Variants in TMEM237 observed in about 807,000 individuals in gnomAD.
TMEM237 encodes transmembrane protein 237.
In TMEM237, 51 loss-of-function variants were observed where a neutral mutation model predicts 59.1. The observed-to-expected ratio is 0.86, with a 90% confidence interval of 0.69 to 1.09. TMEM237 has a LOEUF of 1.09. Among genes scored for constraint, TMEM237 ranks in the 50% least tolerant of loss-of-function variants. The pLI is 0.00. For missense variants in TMEM237, 475 were observed against 478.3 expected (o/e 0.99, Z 0.06); for synonymous variants, 140 against 166.1 (o/e 0.84, Z 1.21).
chr2:201,639,253 T>C (rs2105903633), intron 3 of TMEM237, among the ~76,000 whole-genome samples: 1 of 152,318 alleles, frequency 6.6e-6, no homozygotes, highest in Non-Finnish European at 1.5e-5. Flanking sequence ...ATGTCAGTAA[T>C]GTTAGAAACC....
intron 9 of TMEM237, 142 bp downstream of exon 9, chr2:201,629,088 C>A: frequency 1.9e-6 from 1 of 534,878 alleles, no homozygotes; most frequent in Non-Finnish European, 2.9e-6. Context: ...CAAAAAAGAA[C>A]AGAAGTAGAC....
intron 7 of TMEM237, 144 bp from the exon 8 acceptor site, chr2:201,629,996 C>T: frequency 9.9e-7 from 1 of 1,010,760 alleles, no homozygotes. Flanking sequence ...GACTCAGTAC[C>T]TATTTCAGAA....
chr2:201,633,293 G>T lies in TMEM237; in HGVS notation c.395+18C>A. ...GGGTAATCCTGGAGAATAGTTAGAA[G>T]AATAAATAAATTCCTACTTTGTCTT... On this transcript the variant is annotated intron_variant, in intron 6 of 12. Coordinates refer to ENST00000409883, the MANE Select transcript of TMEM237 (RefSeq NM_001044385.3). 1 of 1,590,694 alleles carries T rather than the reference G, an allele frequency of 6.3e-7. No homozygotes were observed. Among genetic ancestry groups the T allele is most frequent in the South Asian group, 1.2e-5 (1 of 86,846 alleles).
Position 201,635,154 on chromosome 2 carries a change from T to C in TMEM237, c.274+1594A>G, listed in dbSNP as rs1687272967. On this transcript the variant is annotated intron_variant, in intron 5 of 12. Coordinates refer to ENST00000409883, the MANE Select transcript of TMEM237 (RefSeq NM_001044385.3). The surrounding 1 kb of genome is among the most constrained non-coding windows in gnomAD (Gnocchi z 4.5). ...CTGTAACACTGCTATATTCTTCCAT[T>C]CTTTTTACTATGTAGATGTATGTAC... 6.6e-6 allele frequency among the ~76,000 whole-genome samples: 1 copy of C among 152,250 alleles called. No individual in the cohort carries two copies. Among genetic ancestry groups the C allele is most frequent in the African/African-American group, 2.4e-5 (1 of 41,466 alleles).
Position 201,621,349 on chromosome 2 carries a change from A to C in TMEM237, c.*2906T>G, listed in dbSNP as rs1376874235. The C allele has an allele frequency of 6.6e-6, 1 of 152,226 alleles. No individual in the cohort carries two copies. Among genetic ancestry groups the C allele is most frequent in the Non-Finnish European group, 1.5e-5 (1 of 68,042 alleles). 9.4% of individuals were successfully genotyped at this position (152,226 alleles called of 1,614,324 possible). On this transcript the variant is annotated 3_prime_UTR_variant, in exon 13 of 13. Coordinates refer to ENST00000409883, the MANE Select transcript of TMEM237 (RefSeq NM_001044385.3). ...AAACAGCTTGGCAGTTTGTAACTACATACAACCCATCAGTTTCACTCCTGG... is the reference window on the plus strand; with the variant it reads ...AAACAGCTTGGCAGTTTGTAACTACCTACAACCCATCAGTTTCACTCCTGG...
intron 11 of TMEM237, among the ~76,000 whole-genome samples, chr2:201,627,011 C>T (rs929779335): frequency 6.6e-6 from 1 of 151,396 alleles, no homozygotes. Context: ...ACCCAGGAGG[C>T]GGTGGCTGCA....
chr2:201,635,221 T>C lies in TMEM237; in HGVS notation c.274+1527A>G, dbSNP rs975806208. 2.6e-5 allele frequency among the ~76,000 whole-genome samples: 4 copies of C among 152,236 alleles called. No individual in the cohort carries two copies. The highest frequency in any genetic ancestry group is 9.6e-5 in the African/African-American group (4 of 41,456). ...TTGAACTGTGCTCCAAAAAGAGATA[T>C]GTTCAAGTCCTAACTCATAATACCT... On this transcript the variant is annotated intron_variant, in intron 5 of 12. Transcript: ENST00000409883. This position sits in a 1 kb window ranked among gnomAD's most constrained non-coding sequence, Gnocchi z 4.5.
rs555118855 is a variant in TMEM237, at chr2:201,631,726, T to C, written c.553+325A>G. On this transcript the variant is annotated intron_variant, in intron 7 of 12. Transcript: ENST00000409883. ...TGTCCTATGCATAGATCAAACTGTG[T>C]GTGTGTGTGTGCACATGTGTATATG... Among the ~76,000 whole-genome samples, 67 of 152,342 alleles carry C rather than the reference T, an allele frequency of 4.4e-4. 1 individual carries two copies. Among genetic ancestry groups the C allele is most frequent in the Middle Eastern group, 3.4e-3 (1 of 294 alleles).
chr2:201,632,781 T>C (rs936331239), intron 6 of TMEM237, among the ~76,000 whole-genome samples: 2 of 152,220 alleles, frequency 1.3e-5, no homozygotes, highest in African/African-American at 2.4e-5. Flanking sequence ...TCTTTATTAG[T>C]AGTGTGAGAA....
Position 201,621,256 on chromosome 2 carries a change from T to C in TMEM237, c.*2999A>G, listed in dbSNP as rs537130043. The C allele has an allele frequency of 1.4e-4, 21 of 152,328 alleles. 1 individual carries two copies. The highest frequency in any genetic ancestry group is 2.4e-4 in the Non-Finnish European group (16 of 68,022). The allele number at this position is 152,328 out of a possible 1,614,324, so 9.4% of individuals were successfully genotyped here. A position where few individuals can be genotyped will look rare whatever the true frequency, so the allele number is the denominator to read the frequency against. The stretch of plus-strand genomic sequence containing the variant: ...ATTAAAAAATGTAGGTGAGGCACTC[T>C]AAAGCAACTAGCTTGGACTCTTCAA... On this transcript the variant is annotated 3_prime_UTR_variant, in exon 13 of 13. Transcript: ENST00000409883.
intron 3 of TMEM237, 25 bp from the exon 4 acceptor site, chr2:201,639,070 C>G (rs754569858): frequency 2.6e-6 from 4 of 1,558,612 alleles, no homozygotes; most frequent in South Asian, 2.4e-5. Context: ...AAAACGTCAA[C>G]AGAAAAGGGT....
chr2:201,640,739 G>A (rs1687396157), intron 2 of TMEM237, among the ~76,000 whole-genome samples, 154 bp downstream of exon 2: 1 of 151,988 alleles, frequency 6.6e-6, no homozygotes, highest in Non-Finnish European at 1.5e-5. Flanking sequence ...AAAATTCAAG[G>A]ATTTTTCACC....
chr2:201,639,740 G>C (rs1018621841), intron 3 of TMEM237, among the ~76,000 whole-genome samples: 2 of 150,916 alleles, frequency 1.3e-5, no homozygotes, highest in East Asian at 3.9e-4. Context: ...AGATTGCAGT[G>C]AGCCGAGATC....
intron 1 of TMEM237, chr2:201,642,832 G>T: frequency 7.4e-7 from 1 of 1,345,090 alleles, no homozygotes; most frequent in African/African-American, 1.5e-5. Context: ...GCCAAAAAGG[G>T]GGCCTCGGAG....
At chr2:201,641,243 T>C (rs1422171232) in intron 1 of TMEM237, among the ~76,000 whole-genome samples, 2 of 152,166 alleles carry the variant, frequency 1.3e-5, no homozygotes, top group Non-Finnish European at 2.9e-5. Context: ...CCGCCCACCT[T>C]GGCCTCTGAA....
At chr2:201,633,284 T>C (rs1006448758) in intron 6 of TMEM237, 27 bp downstream of exon 6, 5 of 1,583,326 alleles carry the variant, frequency 3.2e-6, no homozygotes, top group Non-Finnish European at 3.4e-6. Context: ...TCCTGGAGAA[T>C]AGTTAGAAGA....
chr2:201,642,791 G>T, intron 1 of TMEM237: 1 of 1,416,964 alleles, frequency 7.1e-7, no homozygotes, highest in Non-Finnish European at 9.1e-7. Context: ...AGGCGTGCAG[G>T]GACCTGGATT....
rs1443103114 is a variant in TMEM237, at chr2:201,622,827, T to C, written c.*1428A>G. The C allele has an allele frequency of 6.5e-6, 1 of 153,322 alleles. No individual in the cohort carries two copies. Among genetic ancestry groups the C allele is most frequent in the Non-Finnish European group, 1.5e-5 (1 of 68,774 alleles). 9.5% of individuals were successfully genotyped at this position (153,322 alleles called of 1,614,324 possible). ...ATGCAGCCTACCACAATCCCCCACA[T>C]TGGCAGCAGCTTTCTCACATTTCTC... is the stretch of plus-strand genomic sequence containing the variant. On this transcript the variant is annotated 3_prime_UTR_variant, in exon 13 of 13. Transcript: ENST00000409883.
chr2:201,640,971 T>C, intron 1 of TMEM237, 47 bp from the exon 2 acceptor site: 1 of 1,549,058 alleles, frequency 6.5e-7, no homozygotes, highest in Non-Finnish European at 8.8e-7. Flanking sequence ...GCCTAGAGCA[T>C]CTTTACTTCA....
Sources: allele counts gnomAD v4.1 joint callset (sites outside exome capture counted in the v4.1 genomes callset), GRCh38; gene constraint gnomAD v4.1.1; non-coding constraint Gnocchi (gnomAD v3.1); transcripts MANE v1.5; gene names NCBI Gene and HGNC (gene_info 2026-07-23, HGNC 2026-07-21).